MAP7D1: variants seen among roughly 807,000 people sequenced by gnomAD.
MAP7D1 encodes MAP7 domain-containing protein 1.
Under a neutral mutation model 97.5 loss-of-function variants are expected in MAP7D1, and 30 were observed. That is an observed-to-expected ratio of 0.31 (90% CI 0.23 to 0.42). The LOEUF (loss-of-function observed/expected upper bound fraction) is 0.42, where lower values mean the gene tolerates loss of function less well. MAP7D1 is among the 10% of genes least tolerant of loss of function. The pLI is 1.00. For missense variants in MAP7D1, 1,184 were observed against 1,179.5 expected (o/e 1.00, Z -0.06); for synonymous variants, 536 against 477.1 (o/e 1.12, Z -1.61).
chr1:36,160,590 T>A (rs1400926245), intron 1 of MAP7D1, among the ~76,000 whole-genome samples: 1 of 152,292 alleles, frequency 6.6e-6, no homozygotes, highest in East Asian at 1.9e-4. Flanking sequence ...AGAGATGAAA[T>A]CACTTACCTA....
chr1:36,173,409 G>C lies in MAP7D1; in HGVS notation c.670G>C (p.Ala224Pro), dbSNP rs1203717093. The change falls in exon 5 of 17, where the codon GCC (alanine) becomes CCC (proline). Residue 224 changes from alanine to proline, a missense_variant. Ala to Pro is a conservative substitution (Grantham distance 27, BLOSUM62 -1). Coordinates refer to ENST00000474796, the MANE Select transcript of MAP7D1 (RefSeq NM_001388490.1). ...CCAACGGTCAGTGAAGAAGACGTGG[G>C]CCGAAATCCGGCAGCAGCGCTGGTC... is the stretch of plus-strand genomic sequence containing the variant. ...AIQRSVKKTW[A>P]EIRQQRWSWA... The C allele has an allele frequency of 2.5e-6, 4 of 1,613,974 alleles. No homozygotes were observed. The highest frequency in any genetic ancestry group is 2.2e-5 in the East Asian group (1 of 44,882).
intron 5 of MAP7D1, among the ~76,000 whole-genome samples, chr1:36,173,758 G>A (rs1368598758): frequency 6.6e-6 from 1 of 152,104 alleles, no homozygotes; most frequent in Non-Finnish European, 1.5e-5. Flanking sequence ...ATTAGTTGTT[G>A]ATACATAAAA....
Position 36,171,533 on chromosome 1 carries a change from A to C in MAP7D1, c.412A>C (p.Arg138=). 6.2e-7 allele frequency: 1 copy of C among 1,614,204 alleles called. No homozygotes were observed. The highest frequency in any genetic ancestry group is 8.5e-7 in the Non-Finnish European group (1 of 1,180,026). Reference sequence around the variant, plus strand: ...CTCAGAGGTGAAGAAGGCAGGAGAGAGACACAAGCTGGCAAAGGAGCGGCG... The same window carrying C: ...CTCAGAGGTGAAGAAGGCAGGAGAGCGACACAAGCTGGCAAAGGAGCGGCG... ...TKQEVKKAGE[R]HKLAKERREE... The change falls in exon 3 of 17, where the codon AGA becomes CGA. Residue 138 remains arginine (R), a synonymous_variant. Transcript: ENST00000474796.
rs1300358671 is a variant in MAP7D1 at position 36,171,266 on chromosome 1, G to T, written c.342G>T (p.Gln114His). Residue 114 changes from glutamine (Q) to histidine (H), a missense_variant, in exon 2 of 17, where the codon CAG becomes CAT. Transcript: ENST00000474796. ...CCAGACCTCCTCGAAGGAGCAGCCA[G>T]CCATCTCCAACAGCAGTGCCAGCCT... Reference protein sequence around the residue: ...RDARPPRRSSQPSPTAVPASD... With the variant: ...RDARPPRRSSHPSPTAVPASD... The T allele has an allele frequency of 1.3e-6, 2 of 1,592,292 alleles. No homozygotes were observed. Among genetic ancestry groups the T allele is most frequent in the African/African-American group, 2.7e-5 (2 of 74,220 alleles).
At chr1:36,173,555 C>G in intron 5 of MAP7D1, 77 bp downstream of exon 5, 1 of 1,131,818 alleles carries the variant, frequency 8.8e-7, no homozygotes, top group Non-Finnish European at 1.3e-6. Context: ...AACTTCCCTA[C>G]AAAAAGCTGG....
intron 1 of MAP7D1, among the ~76,000 whole-genome samples, chr1:36,157,964 C>T (rs1212849866): frequency 2.6e-5 from 4 of 152,156 alleles, no homozygotes; most frequent in Non-Finnish European, 5.9e-5. Context: ...AGTCCAACCT[C>T]AGCTTACTGG....
chr1:36,163,571 A>C (rs961302102), intron 1 of MAP7D1, among the ~76,000 whole-genome samples: 1 of 152,192 alleles, frequency 6.6e-6, no homozygotes, highest in African/African-American at 2.4e-5. Flanking sequence ...ATTGTGAAGA[A>C]AATATTTGTA....
chr1:36,179,503 T>C lies in MAP7D1; in HGVS notation c.2185-12T>C. On this transcript the variant is annotated splice_polypyrimidine_tract_variant and intron_variant, in intron 13 of 16. Transcript: ENST00000474796. ...GTCCCTTGAGCCTGACTGCTCTTCCTCTTCAAAGCAGAAGCAGGACAGCAA... is the reference window on the plus strand; with the variant it reads ...GTCCCTTGAGCCTGACTGCTCTTCCCCTTCAAAGCAGAAGCAGGACAGCAA... 6.3e-7 allele frequency: 1 copy of C among 1,580,796 alleles called. No individual in the cohort carries two copies. The highest frequency in any genetic ancestry group is 2.3e-5 in the East Asian group (1 of 43,598).
At position 36,180,398 on chromosome 1, in the gene MAP7D1, T is replaced by C. The variant is rs926165384; in HGVS notation, c.*140T>C. The stretch of plus-strand genomic sequence containing the variant: ...TGGGTCCTCTCTGTTGTTTTTAATC[T>C]GCACCTTATAGACTGATGTCTCTTT... On this transcript the variant is annotated 3_prime_UTR_variant, in exon 17 of 17. Coordinates refer to ENST00000474796, the MANE Select transcript of MAP7D1 (RefSeq NM_001388490.1). The C allele has an allele frequency of 8.7e-7, 1 of 1,153,562 alleles. No individual in the cohort carries two copies. The highest frequency in any genetic ancestry group is 1.3e-6 in the Non-Finnish European group (1 of 766,716). 71.5% of individuals were successfully genotyped at this position (1,153,562 alleles called of 1,614,324 possible). A position where few individuals can be genotyped will look rare whatever the true frequency, so the allele number is the denominator to read the frequency against.
rs1570158980 is a variant in MAP7D1 at position 36,176,169 on chromosome 1, G to C, written c.851-30G>C. The C allele has an allele frequency of 6.3e-7, 1 of 1,599,720 alleles. No homozygotes were observed. Among genetic ancestry groups the C allele is most frequent in the Non-Finnish European group, 8.5e-7 (1 of 1,177,112 alleles). On this transcript the variant is annotated intron_variant, in intron 6 of 16. Transcript: ENST00000474796. The surrounding 1 kb of genome is among the most constrained non-coding windows in gnomAD (Gnocchi z 6.1). Reference sequence around the variant, plus strand: ...TCCTGCCTCCTACGGCCCCCACGGTGACCGGCTTCGCCTGGCCTTCTACCC... The same window carrying C: ...TCCTGCCTCCTACGGCCCCCACGGTCACCGGCTTCGCCTGGCCTTCTACCC...
intron 4 of MAP7D1, among the ~76,000 whole-genome samples, chr1:36,173,121 C>G: frequency 6.6e-6 from 1 of 152,208 alleles, no homozygotes; most frequent in Non-Finnish European, 1.5e-5. Flanking sequence ...CTCAGAGAAT[C>G]AACTCATGCA....
At chr1:36,174,670 C>T (rs1367104908) in intron 5 of MAP7D1, among the ~76,000 whole-genome samples, 2 of 152,028 alleles carry the variant, frequency 1.3e-5, no homozygotes, top group African/African-American at 4.8e-5. Flanking sequence ...TTACTCATCT[C>T]CTCCCTTTGT....
Position 36,174,988 on chromosome 1 carries a change from T to G in MAP7D1, c.830T>G (p.Leu277Arg), listed in dbSNP as rs1182360725. ...NKRLSKSSAT[L>R]WNSPSRNRSL... ...CGGCTCTCAAAGTCCTCTGCCACGCTCTGGAACTCCCCCAGTAGAAGTAAG... is the reference window on the plus strand; with the variant it reads ...CGGCTCTCAAAGTCCTCTGCCACGCGCTGGAACTCCCCCAGTAGAAGTAAG... The change falls in exon 6 of 17, where the codon CTC (leucine) becomes CGC (arginine). Residue 277 changes from leucine (L) to arginine (R), a missense_variant. Transcript: ENST00000474796. The G allele has an allele frequency of 1.2e-6, 2 of 1,613,318 alleles. No homozygotes were observed. Among genetic ancestry groups the G allele is most frequent in the Non-Finnish European group, 1.7e-6 (2 of 1,179,582 alleles).
chr1:36,179,101 G>A lies in MAP7D1; in HGVS notation c.2130+76G>A, dbSNP rs925132460. On this transcript the variant is annotated intron_variant, in intron 12 of 16. Transcript: ENST00000474796. ...CAGGTGGGCGGGGCCTGGGCTTAGA[G>A]CGGACAGGACGGGAAAGCGCTGGGG... is the stretch of plus-strand genomic sequence containing the variant. 6.2e-5 allele frequency: 94 copies of A among 1,518,280 alleles called. No homozygotes were observed. The Middle Eastern group carries it at 6.8e-4, about 11-fold the overall frequency. 94.1% of individuals were successfully genotyped at this position (1,518,280 alleles called of 1,614,324 possible). A position where few individuals can be genotyped will look rare whatever the true frequency, so the allele number is the denominator to read the frequency against.
rs955774582 is a variant in MAP7D1, at chr1:36,175,566, A to T, written c.850+558A>T. Among the ~76,000 whole-genome samples the T allele has an allele frequency of 2.1e-4, 32 of 152,306 alleles. No homozygotes were observed. The East Asian group carries it at 2.1e-3, about 10-fold the overall frequency. Reference sequence around the variant, plus strand: ...CACCATGCCCTGGTGCTCATATGTGAAGGAGCCATGGTGGGAGTTATTTAT... The same window carrying T: ...CACCATGCCCTGGTGCTCATATGTGTAGGAGCCATGGTGGGAGTTATTTAT... On this transcript the variant is annotated intron_variant, in intron 6 of 16. Transcript: ENST00000474796.
At chr1:36,167,887 C>G (rs1282118945) in intron 1 of MAP7D1, among the ~76,000 whole-genome samples, 1 of 152,168 alleles carries the variant, frequency 6.6e-6, no homozygotes, top group Non-Finnish European at 1.5e-5. Flanking sequence ...GTTTTCCTTG[C>G]AACACCTGCA....
chr1:36,163,592 A>G (rs184591710), intron 1 of MAP7D1, among the ~76,000 whole-genome samples: 22 of 152,314 alleles, frequency 1.4e-4, no homozygotes, highest in Middle Eastern at 6.8e-3. Context: ...TTCAGGGTCA[A>G]TAGTGTGCCA....
At position 36,162,589 on chromosome 1, in the gene MAP7D1, C is replaced by T. The variant is rs192682483; in HGVS notation, c.46+6126C>T. The stretch of plus-strand genomic sequence containing the variant: ...CTCTCACCTGTGAAATGGGGGCCAT[C>T]ATAGAACTTTCCTTTTAGGATTGTC... On this transcript the variant is annotated intron_variant, in intron 1 of 16. Coordinates refer to ENST00000474796, the MANE Select transcript of MAP7D1 (RefSeq NM_001388490.1). 3.9e-5 allele frequency among the ~76,000 whole-genome samples: 6 copies of T among 152,306 alleles called. No homozygotes were observed. In the East Asian group the frequency reaches 1.2e-3, roughly 29 times the overall value.
rs1644685781 is a variant in MAP7D1, at chr1:36,179,520, G to A, written c.2190G>A (p.Gln730=). The A allele has an allele frequency of 6.3e-7, 1 of 1,578,932 alleles. No individual in the cohort carries two copies. The highest frequency in any genetic ancestry group is 8.6e-7 in the Non-Finnish European group (1 of 1,161,452). Residue 730 remains glutamine, a synonymous_variant, in exon 14 of 17, where the codon CAG becomes CAA. Transcript: ENST00000474796. ...RKSEVSETKK[Q]DSKEANANGS... ...GCTCTTCCTCTTCAAAGCAGAAGCA[G>A]GACAGCAAGGAGGCCAACGCCAACG...
Sources: gnomAD v4.1 joint callset for allele counts (sites outside exome capture counted in the v4.1 genomes callset) on GRCh38, gnomAD v4.1.1 for gene constraint, Gnocchi (gnomAD v3.1) non-coding constraint, MANE v1.5 for transcripts, NCBI Gene and HGNC (gene_info 2026-07-23, HGNC 2026-07-21) for gene names.